The following VPS33A variants were observed in gnomAD, a reference collection of about 807,000 sequenced individuals.
The protein encoded by VPS33A is vacuolar protein sorting-associated protein 33A.
Under a neutral mutation model 71.8 loss-of-function variants are expected in VPS33A, and 32 were observed. The ratio of observed to expected loss-of-function variants is 0.45; its 90% CI spans 0.34 to 0.60. The LOEUF is 0.60. VPS33A is among the 20% of genes least tolerant of loss of function. VPS33A has a pLI of 0.02. For synonymous variants in VPS33A, 311 were observed against 292.7 expected, an observed-to-expected ratio of 1.06 and a Z score of -0.64; for missense variants, 625 against 748.5, an observed-to-expected ratio of 0.84 and a Z score of 1.92.
rs756365098 is a variant in VPS33A, at chr12:122,238,717, T to C, written c.1172A>G (p.Asn391Ser). The C allele has an allele frequency of 3.7e-6, 6 of 1,612,360 alleles. No individual in the cohort carries two copies. Among genetic ancestry groups the C allele is most frequent in the Non-Finnish European group, 5.1e-6 (6 of 1,179,742 alleles). The change falls in exon 10 of 13, where the codon AAT (asparagine) becomes AGT (serine). Residue 391 changes from asparagine (N) to serine (S), a missense_variant. Coordinates refer to ENST00000267199, the MANE Select transcript of VPS33A (RefSeq NM_022916.6). ...MSGIDTDKVN[N>S]YIEDCIAQKH... ...TTGGGCGATACAATCCTCAATGTAATTGTTGACCTGGAAATAAAGTAGCAT... is the reference window on the plus strand; with the variant it reads ...TTGGGCGATACAATCCTCAATGTAACTGTTGACCTGGAAATAAAGTAGCAT...
intron 4 of VPS33A, among the ~76,000 whole-genome samples, chr12:122,257,753 G>T (rs1373927253): frequency 6.6e-6 from 1 of 152,098 alleles, no homozygotes; most frequent in East Asian, 1.9e-4. Context: ...AAGAACAAAA[G>T]TGATATATTT....
intron 11 of VPS33A, among the ~76,000 whole-genome samples, chr12:122,233,777 G>A (rs1302836065): frequency 6.6e-6 from 1 of 152,134 alleles, no homozygotes; most frequent in Non-Finnish European, 1.5e-5. Context: ...AAACCACTAT[G>A]TAGCAATTTA....
chr12:122,255,317 G>T (rs753509679), intron 4 of VPS33A, among the ~76,000 whole-genome samples: 18 of 152,100 alleles, frequency 1.2e-4, no homozygotes, highest in Non-Finnish European at 2.2e-4. Context: ...CAATTTTTTG[G>T]TATATTGAAA....
intron 6 of VPS33A, among the ~76,000 whole-genome samples, chr12:122,245,413 G>C (rs1469794484): frequency 6.6e-6 from 1 of 151,470 alleles, no homozygotes; most frequent in African/African-American, 2.4e-5. Context: ...TAGAAACTAC[G>C]GTCTGAGGAC....
At chr12:122,243,401 TA>T (rs11443213) in intron 7 of VPS33A, among the ~76,000 whole-genome samples, 223 of 144,632 alleles carry the variant, frequency 1.5e-3, no homozygotes, top group Non-Finnish European at 1.7e-3. Flanking sequence ...CCCAGCTAGT[TA>T]AAAAAAAAAA....
chr12:122,250,890 C>T (rs377595947), intron 5 of VPS33A, 93 bp downstream of exon 5: 2 of 871,192 alleles, frequency 2.3e-6, no homozygotes, highest in Admixed American at 2.2e-5. Flanking sequence ...TAATTAAGAT[C>T]AACTGAATTT....
In VPS33A at chr12:122,264,174, G is replaced by A. The variant is rs756999258; in HGVS notation, c.128C>T (p.Thr43Ile). The change falls in exon 2 of 13, where the codon ACT becomes ATT. Residue 43 changes from threonine (T) to isoleucine (I), a missense_variant. By Grantham distance (89) the Thr-to-Ile change is moderately conservative (BLOSUM62 -1). Transcript: ENST00000267199. ...SKAIVWDEYLTGPFGLIAQYS... is the reference protein window; with the variant it reads ...SKAIVWDEYLIGPFGLIAQYS... Reference sequence around the variant, plus strand: ...CTGTGCAATCAGGCCAAAGGGTCCAGTTAGGTATTCATCCCAAACTATTGC... The same window carrying A: ...CTGTGCAATCAGGCCAAAGGGTCCAATTAGGTATTCATCCCAAACTATTGC... 5.1e-6 allele frequency: 8 copies of A among 1,555,752 alleles called. No individual in the cohort carries two copies. The highest frequency in any genetic ancestry group is 1.2e-5 in the South Asian group (1 of 82,188).
In VPS33A at chr12:122,264,173, A is replaced by G. The variant is rs1478481872; in HGVS notation, c.129T>C (p.Thr43=). The change falls in exon 2 of 13, where the codon ACT becomes ACC. Residue 43 remains threonine, a synonymous_variant. Transcript: ENST00000267199. ...SKAIVWDEYL[T]GPFGLIAQYS... ...ACTGTGCAATCAGGCCAAAGGGTCC[A>G]GTTAGGTATTCATCCCAAACTATTG... is the stretch of plus-strand genomic sequence containing the variant. 7.7e-6 allele frequency: 12 copies of G among 1,557,028 alleles called. No individual in the cohort carries two copies. Among genetic ancestry groups the G allele is most frequent in the Non-Finnish European group, 1.1e-5 (12 of 1,141,204 alleles).
intron 10 of VPS33A, among the ~76,000 whole-genome samples, chr12:122,237,099 T>TA (rs1954638742): frequency 6.6e-6 from 1 of 152,200 alleles, no homozygotes; most frequent in Non-Finnish European, 1.5e-5. Context: ...AATAAAAATG[T>TA]ACTTAACTGT....
At chr12:122,233,544 G>T (rs1229446692) in intron 11 of VPS33A, among the ~76,000 whole-genome samples, 4 of 152,148 alleles carry the variant, frequency 2.6e-5, no homozygotes, top group African/African-American at 9.7e-5. Context: ...ACATATTGGG[G>T]GGAACTTGGC....
chr12:122,239,706 G>T (rs1242455826), intron 9 of VPS33A, among the ~76,000 whole-genome samples, 172 bp downstream of exon 9: 1 of 129,324 alleles, frequency 7.7e-6, no homozygotes, highest in Non-Finnish European at 1.6e-5. Flanking sequence ...ACTCCAGCCT[G>T]GGCAACAGAG....
intron 11 of VPS33A, among the ~76,000 whole-genome samples, chr12:122,234,354 T>C (rs1954602554): frequency 6.6e-6 from 1 of 152,182 alleles, no homozygotes; most frequent in Non-Finnish European, 1.5e-5. Context: ...CTCAGCTCAC[T>C]GTAGCCTCAA....
chr12:122,251,920 TAA>T (rs76806704), intron 4 of VPS33A, among the ~76,000 whole-genome samples: 5 of 123,906 alleles, frequency 4.0e-5, no homozygotes, highest in Admixed American at 8.3e-5. Flanking sequence ...ACTTAAAGTA[TAA>T]AAAAAAAAAA....
At chr12:122,240,007 G>A in intron 8 of VPS33A, 62 bp from the exon 9 acceptor site, 3 of 1,260,902 alleles carry the variant, frequency 2.4e-6, no homozygotes, top group Non-Finnish European at 3.5e-6. Flanking sequence ...TGAGTGGCAT[G>A]CTTTTATACA....
chr12:122,259,321 G>T (rs1954962276), intron 4 of VPS33A, among the ~76,000 whole-genome samples: 1 of 152,010 alleles, frequency 6.6e-6, no homozygotes, highest in Non-Finnish European at 1.5e-5. Context: ...CCAGGTTCAA[G>T]CAATTCTCCC....
rs1204024994 is a variant in VPS33A at position 122,230,319 on chromosome 12, A to C, written c.*1927T>G. The C allele has an allele frequency of 6.6e-6, 1 of 152,174 alleles. No homozygotes were observed. The highest frequency in any genetic ancestry group is 1.5e-5 in the Non-Finnish European group (1 of 68,046). 9.4% of individuals were successfully genotyped at this position (152,174 alleles called of 1,614,324 possible). ...TAATGGGCCGGGCACGGTGGTTCAC[A>C]CCTGTAATCCCAGCACTTTGGGAGG... is the stretch of plus-strand genomic sequence containing the variant. On this transcript the variant is annotated 3_prime_UTR_variant, in exon 13 of 13. Coordinates refer to ENST00000267199, the MANE Select transcript of VPS33A (RefSeq NM_022916.6).
chr12:122,246,542 G>A (rs113272861), intron 6 of VPS33A, among the ~76,000 whole-genome samples: 3,887 of 151,766 alleles, frequency 0.026, 121 homozygotes, highest in African/African-American at 0.066. Flanking sequence ...CAGATGATCC[G>A]CTCACCTCAA....
Position 122,242,563 on chromosome 12 carries a change from A to T in VPS33A, c.970-55T>A, listed in dbSNP as rs1592915774. On this transcript the variant is annotated intron_variant, in intron 7 of 12. Coordinates refer to ENST00000267199, the MANE Select transcript of VPS33A (RefSeq NM_022916.6). ...GCAGGGAAGATAGTTTATTTATTTT[A>T]TTTTTTTGAGAAGGACTCTCGCTTT... 3.9e-6 allele frequency: 6 copies of T among 1,539,530 alleles called. No homozygotes were observed. In the East Asian group the frequency reaches 1.4e-4, roughly 37 times the overall value.
In VPS33A at chr12:122,238,860, A is replaced by G. The variant is rs143225295; in HGVS notation, c.1165-136T>C. The G allele has an allele frequency of 1.2e-3, 1,243 of 999,956 alleles. 10 individuals are homozygous for G. In the African/African-American group the frequency reaches 0.019, roughly 16 times the overall value. 61.9% of individuals were successfully genotyped at this position (999,956 alleles called of 1,614,324 possible). On this transcript the variant is annotated intron_variant, in intron 9 of 12. Coordinates refer to ENST00000267199, the MANE Select transcript of VPS33A (RefSeq NM_022916.6). ...GTTTATTATTATTTTTCAAAGTCCA[A>G]TAAAGGAGATACGTGGGAAAATGAG...
Sources: allele counts gnomAD v4.1 joint callset (sites outside exome capture counted in the v4.1 genomes callset), GRCh38; gene constraint gnomAD v4.1.1; transcripts MANE v1.5; gene names NCBI Gene and HGNC (gene_info 2026-07-23, HGNC 2026-07-21).